The following ITPR2 variants were observed in gnomAD, a reference collection of about 807,000 sequenced individuals.
ITPR2 encodes the protein inositol 1,4,5-trisphosphate-gated calcium channel ITPR2.
ITPR2 carries 207 observed loss-of-function variants against 317.1 expected under a neutral mutation model. That is an observed-to-expected ratio of 0.65 (90% CI 0.58 to 0.73). The LOEUF (loss-of-function observed/expected upper bound fraction) is 0.73. Ranked by LOEUF, ITPR2 falls within the 30% of genes least tolerant of loss-of-function variation. ITPR2 has a pLI of 0.00. For missense variants in ITPR2, 2,613 were observed against 3,284.0 expected (o/e 0.80, Z 4.99); for synonymous variants, 1,156 against 1,149.1 (o/e 1.01, Z -0.12).
At chr12:26,617,658 CGGAG>C (rs1293612397) in intron 26 of ITPR2, among the ~76,000 whole-genome samples, 1 of 106,056 alleles carries the variant, frequency 9.4e-6, no homozygotes, top group Non-Finnish European at 2.0e-5. Flanking sequence ...AAAGGAGGGA[CGGAG>C]GGAGGGAAGG....
intron 21 of ITPR2, among the ~76,000 whole-genome samples, chr12:26,633,015 G>A (rs905614147): frequency 6.6e-6 from 1 of 152,074 alleles, no homozygotes; most frequent in South Asian, 2.1e-4. Context: ...TTGCTTCGTG[G>A]GTGTTCATGG....
At chr12:26,492,915 G>T (rs948591767) in intron 39 of ITPR2, among the ~76,000 whole-genome samples, 1 of 120,976 alleles carries the variant, frequency 8.3e-6, no homozygotes. Flanking sequence ...GTATGTGTGT[G>T]TGTGTATATA....
chr12:26,629,411 G>A (rs1946694774), intron 22 of ITPR2, among the ~76,000 whole-genome samples: 1 of 152,008 alleles, frequency 6.6e-6, no homozygotes, highest in Non-Finnish European at 1.5e-5. Flanking sequence ...ACATGGCGAA[G>A]TCCCATCTCT....
chr12:26,783,454 A>G (rs1232155741), intron 2 of ITPR2, among the ~76,000 whole-genome samples: 2 of 152,154 alleles, frequency 1.3e-5, no homozygotes, highest in Non-Finnish European at 2.9e-5. Context: ...TATCACCCTG[A>G]TGGTAAGAGA....
chr12:26,702,674 A>T (rs1432936910), intron 9 of ITPR2, among the ~76,000 whole-genome samples: 1 of 152,054 alleles, frequency 6.6e-6, no homozygotes, highest in Non-Finnish European at 1.5e-5. Flanking sequence ...TCCTGACCTC[A>T]AGTGATCTGC....
At chr12:26,813,276 G>A (rs912278514) in intron 1 of ITPR2, among the ~76,000 whole-genome samples, 40 of 152,122 alleles carry the variant, frequency 2.6e-4, no homozygotes, top group African/African-American at 9.2e-4. Flanking sequence ...TTTAAACCCT[G>A]CTTATATAAC....
At chr12:26,736,357 A>G (rs1949117810) in intron 2 of ITPR2, among the ~76,000 whole-genome samples, 1 of 152,214 alleles carries the variant, frequency 6.6e-6, no homozygotes, top group Non-Finnish European at 1.5e-5. Flanking sequence ...TGCAGAGTGA[A>G]GAGGAGTAGC....
At chr12:26,395,499 T>A (rs529979839) in intron 54 of ITPR2, among the ~76,000 whole-genome samples, 1 of 152,202 alleles carries the variant, frequency 6.6e-6, no homozygotes, top group African/African-American at 2.4e-5. Flanking sequence ...GACAATATCA[T>A]GTCTTAGAAT....
chr12:26,743,737 C>T (rs1391895014), intron 2 of ITPR2, among the ~76,000 whole-genome samples: 1 of 151,988 alleles, frequency 6.6e-6, no homozygotes, highest in Non-Finnish European at 1.5e-5. Context: ...ACTAAAAATA[C>T]AAAATTAGCT....
At chr12:26,352,831 G>C (rs1314703039) in intron 55 of ITPR2, among the ~76,000 whole-genome samples, 1 of 152,186 alleles carries the variant, frequency 6.6e-6, no homozygotes, top group African/African-American at 2.4e-5. Context: ...AAGAGAACTG[G>C]GTTGCGCCAT....
chr12:26,521,485 A>T (rs527456099), intron 37 of ITPR2, among the ~76,000 whole-genome samples: 9 of 152,274 alleles, frequency 5.9e-5, no homozygotes, highest in Admixed American at 2.6e-4. Flanking sequence ...TATTTTTCAG[A>T]TTCATTATAT....
intron 37 of ITPR2, among the ~76,000 whole-genome samples, chr12:26,535,279 A>G (rs1467423139): frequency 6.6e-6 from 1 of 152,200 alleles, no homozygotes; most frequent in Non-Finnish European, 1.5e-5. Flanking sequence ...CACAATAAAA[A>G]TGATTCCAAA....
intron 2 of ITPR2, among the ~76,000 whole-genome samples, chr12:26,780,435 G>C (rs1371572591): frequency 6.6e-6 from 1 of 152,148 alleles, no homozygotes; most frequent in Non-Finnish European, 1.5e-5. Context: ...TACCATCATG[G>C]TATTCCACAC....
chr12:26,644,579 A>C (rs1947068982), intron 21 of ITPR2, among the ~76,000 whole-genome samples: 1 of 152,200 alleles, frequency 6.6e-6, no homozygotes, highest in Non-Finnish European at 1.5e-5. Flanking sequence ...GGGCAAAGTC[A>C]TATCTTACAT....
chr12:26,645,187 A>G (rs769148481), intron 21 of ITPR2, among the ~76,000 whole-genome samples: 5 of 152,236 alleles, frequency 3.3e-5, no homozygotes, highest in Admixed American at 6.5e-5. Context: ...CCTGAGGAAC[A>G]CAACTGGCAA....
At chr12:26,772,491 C>CATGTATTATATATATTAT (rs3064583) in intron 2 of ITPR2, among the ~76,000 whole-genome samples, 1 of 100,506 alleles carries the variant, frequency 9.9e-6, no homozygotes, top group Non-Finnish European at 2.1e-5. Context: ...ATATATAATA[C>CATGTATTATATATATTAT]ATATAATACA....
intron 1 of ITPR2, among the ~76,000 whole-genome samples, chr12:26,826,266 T>C (rs1951008443): frequency 6.6e-6 from 1 of 152,022 alleles, no homozygotes; most frequent in Non-Finnish European, 1.5e-5. Flanking sequence ...AAAATATTTT[T>C]AAAACTGTAA....
intron 32 of ITPR2, among the ~76,000 whole-genome samples, chr12:26,588,069 T>C (rs889271828): frequency 3.9e-5 from 6 of 152,306 alleles, no homozygotes; most frequent in East Asian, 1.9e-4. Context: ...ATAGAGATGC[T>C]ACAGTCTTGA....
intron 1 of ITPR2, among the ~76,000 whole-genome samples, chr12:26,824,000 A>G (rs1950976932): frequency 6.6e-6 from 1 of 152,210 alleles, no homozygotes; most frequent in South Asian, 2.1e-4. Context: ...AAGACTACCA[A>G]TACTCTTCAA....
Sources: gnomAD v4.1 joint callset for allele counts (sites outside exome capture counted in the v4.1 genomes callset) on GRCh38, gnomAD v4.1.1 for gene constraint, MANE v1.5 for transcripts, NCBI Gene and HGNC (gene_info 2026-07-23, HGNC 2026-07-21) for gene names.